TEX29: variants seen among roughly 807,000 people sequenced by gnomAD.
The protein encoded by TEX29 is testis-expressed protein 29.
A neutral mutation model predicts 18.2 loss-of-function variants in TEX29; 26 were observed. The ratio of observed to expected loss-of-function variants is 1.43; its 90% CI spans 1.04 to 1.98. The LOEUF (loss-of-function observed/expected upper bound fraction) is 1.98, where lower values mean the gene tolerates loss of function less well. Ranked by LOEUF, TEX29 falls within the 30% of genes most tolerant of loss-of-function variation. The pLI is 0.00. For synonymous variants in TEX29, 83 were observed against 78.5 expected, an observed-to-expected ratio of 1.06 and a Z score of -0.31; for missense variants, 177 against 194.2, an observed-to-expected ratio of 0.91 and a Z score of 0.53.
At chr13:111,327,478 G>A (rs1255863105) in intron 2 of TEX29, among the ~76,000 whole-genome samples, 1 of 152,146 alleles carries the variant, frequency 6.6e-6, no homozygotes, top group Non-Finnish European at 1.5e-5. Flanking sequence ...TGGGACTGCA[G>A]TCCACCCAGC....
intron 3 of TEX29, among the ~76,000 whole-genome samples, chr13:111,328,872 G>A (rs1278484258): frequency 6.6e-6 from 1 of 152,216 alleles, no homozygotes; most frequent in Non-Finnish European, 1.5e-5. Context: ...GGGCGCCGGA[G>A]GCGTTGCCAC....
chr13:111,339,312 C>T, intron 3 of TEX29: 1 of 454,804 alleles, frequency 2.2e-6, no homozygotes, highest in Non-Finnish European at 4.4e-6. Context: ...AGGAATTGAC[C>T]TGGGCATTGA....
rs187727129 is a variant in TEX29 at position 111,336,841 on chromosome 13, G to A, written c.170-3022G>A. Among the ~76,000 whole-genome samples the A allele has an allele frequency of 2.6e-5, 4 of 152,320 alleles. 1 individual carries two copies. The highest frequency in any genetic ancestry group is 5.9e-5 in the Non-Finnish European group (4 of 68,030). On this transcript the variant is annotated intron_variant, in intron 3 of 5. Coordinates refer to ENST00000283547, the MANE Select transcript of TEX29 (RefSeq NM_152324.3). ...ACACTGTACGGAGCGCATCATTGAG[G>A]TTGAGTCTCCATCTTTAGGAGCTTG...
chr13:111,321,090 T>G, intron 2 of TEX29, 142 bp downstream of exon 2: 1 of 882,178 alleles, frequency 1.1e-6, no homozygotes, highest in African/African-American at 1.7e-5. Flanking sequence ...GCAAAATGTG[T>G]GTTCAGGAAA....
rs375220349 is a variant in TEX29 at position 111,335,406 on chromosome 13, CA to C, written c.170-4456del. On this transcript the variant is annotated intron_variant, in intron 3 of 5. Transcript: ENST00000283547. Reference sequence around the variant, plus strand: ...GGCCTCTCATATGGCTTCATTCCAGCAGCTCGTCCTCTGAGGCATGTGGCAG... The same window carrying C: ...GGCCTCTCATATGGCTTCATTCCAGCGCTCGTCCTCTGAGGCATGTGGCAG... Among the ~76,000 whole-genome samples, 279 of 152,350 alleles carry C rather than the reference CA, an allele frequency of 1.8e-3. 3 individuals are homozygous for C. Among genetic ancestry groups the C allele is most frequent in the Middle Eastern group, 0.014 (4 of 294 alleles).
rs201674534 is a variant in TEX29 at position 111,320,927 on chromosome 13, C to A, written c.37C>A (p.His13Asn). 4.3e-5 allele frequency: 69 copies of A among 1,611,954 alleles called. No homozygotes were observed. The highest frequency in any genetic ancestry group is 5.5e-5 in the South Asian group (5 of 91,004). The stretch of plus-strand genomic sequence containing the variant: ...GCTGGAAGTGAAGAACTCTCCGCGG[C>A]ACCTCCTGAAGCAATTCACAGGTAT... ...YVLEVKNSPRHLLKQFTVCDV... is the reference protein window; with the variant it reads ...YVLEVKNSPRNLLKQFTVCDV... The change falls in exon 2 of 6, where the codon CAC becomes AAC. Residue 13 changes from histidine (H) to asparagine (N), a missense_variant. His to Asn is a moderately conservative substitution (Grantham distance 68, BLOSUM62 1). Transcript: ENST00000283547.
chr13:111,339,581 A>G (rs574316918), intron 3 of TEX29: 371 of 538,968 alleles, frequency 6.9e-4, no homozygotes, highest in Non-Finnish European at 8.8e-4. Context: ...CTCTCCATGC[A>G]CTCCCGGGGG....
At chr13:111,328,329 C>T (rs754696893) in intron 3 of TEX29, 36 bp downstream of exon 3, 21 of 1,494,388 alleles carry the variant, frequency 1.4e-5, no homozygotes, top group South Asian at 2.3e-5. Flanking sequence ...TGGCGGAAGC[C>T]GAGGTAGCTG....
At chr13:111,324,092 C>T (rs940551546) in intron 2 of TEX29, among the ~76,000 whole-genome samples, 2 of 152,206 alleles carry the variant, frequency 1.3e-5, no homozygotes. Flanking sequence ...GCAGTCTGGG[C>T]CCGCTGAAGG....
Position 111,320,780 on chromosome 13 carries a change from C to T in TEX29, c.-35+18C>T. 7.5e-7 allele frequency: 1 copy of T among 1,339,616 alleles called. No individual in the cohort carries two copies. The highest frequency in any genetic ancestry group is 1.1e-6 in the Non-Finnish European group (1 of 932,338). 83.0% of individuals were successfully genotyped at this position (1,339,616 alleles called of 1,614,324 possible). A position where few individuals can be genotyped will look rare whatever the true frequency, so the allele number is the denominator to read the frequency against. The stretch of plus-strand genomic sequence containing the variant: ...AGGCGCAGGTGAGTCGATGAACGCC[C>T]CCTCCTGGTGTGAGCCGCCCGCTCC... On this transcript the variant is annotated intron_variant, in intron 1 of 5. Coordinates refer to ENST00000283547, the MANE Select transcript of TEX29 (RefSeq NM_152324.3).
rs1279987221 is a variant in TEX29 at position 111,322,092 on chromosome 13, C to T, written c.58+1144C>T. Among the ~76,000 whole-genome samples, 23 of 152,226 alleles carry T rather than the reference C, an allele frequency of 1.5e-4. 1 individual carries two copies. The highest frequency in any genetic ancestry group is 1.2e-3 in the Admixed American group (18 of 15,286). Reference sequence around the variant, plus strand: ...GCACCTGGCCCTGCAGCTCTCGCAGCGGGACAGGGCGGCCCAGGTGCCAGG... The same window carrying T: ...GCACCTGGCCCTGCAGCTCTCGCAGTGGGACAGGGCGGCCCAGGTGCCAGG... On this transcript the variant is annotated intron_variant, in intron 2 of 5. Coordinates refer to ENST00000283547, the MANE Select transcript of TEX29 (RefSeq NM_152324.3).
At chr13:111,343,121 T>C (rs1595694383) in intron 5 of TEX29, among the ~76,000 whole-genome samples, 190 bp downstream of exon 5, 1 of 152,228 alleles carries the variant, frequency 6.6e-6, no homozygotes, top group African/African-American at 2.4e-5. Context: ...GATGTGGCTG[T>C]CAGTGTGAGT....
chr13:111,337,708 C>T (rs560478627), intron 3 of TEX29, among the ~76,000 whole-genome samples: 1 of 152,156 alleles, frequency 6.6e-6, no homozygotes, highest in Non-Finnish European at 1.5e-5. Context: ...CTCAGGTAAG[C>T]AAGTTTCCAC....
intron 5 of TEX29, among the ~76,000 whole-genome samples, chr13:111,343,470 C>T (rs766294755): frequency 2.0e-5 from 3 of 152,070 alleles, no homozygotes; most frequent in South Asian, 2.1e-4. Flanking sequence ...GCCCTGGCCA[C>T]GTGGTGGTCG....
chr13:111,340,185 CAT>C (rs2093695784), intron 4 of TEX29, among the ~76,000 whole-genome samples: 1 of 147,924 alleles, frequency 6.8e-6, no homozygotes, highest in African/African-American at 2.5e-5. Context: ...AATCATAACC[CAT>C]GTTTAGTGAG....
chr13:111,343,408 G>T (rs1851304977), intron 5 of TEX29, among the ~76,000 whole-genome samples: 1 of 151,766 alleles, frequency 6.6e-6, no homozygotes, highest in Non-Finnish European at 1.5e-5. Context: ...GCCGCCTGGT[G>T]GTCGTGGATG....
At chr13:111,317,218 G>A (rs1288853365), upstream of TEX29, among the ~76,000 whole-genome samples, 2 of 152,026 alleles carry the variant, frequency 1.3e-5, no homozygotes, top group Non-Finnish European at 2.9e-5. Context: ...AACATTCTCC[G>A]CCAACAGCTT....
At chr13:111,339,548 C>T (rs953938774) in intron 3 of TEX29, 21 of 480,744 alleles carry the variant, frequency 4.4e-5, no homozygotes, top group South Asian at 6.1e-5. Flanking sequence ...CATGCACTCC[C>T]GGGGGTCAGG....
chr13:111,325,802 A>T (rs1275617073), intron 2 of TEX29, among the ~76,000 whole-genome samples: 2 of 152,212 alleles, frequency 1.3e-5, no homozygotes, highest in African/African-American at 4.8e-5. Context: ...AATGAGAAAG[A>T]ATGTATGAAC....
Sources: gnomAD v4.1 joint callset for allele counts (sites outside exome capture counted in the v4.1 genomes callset) on GRCh38, gnomAD v4.1.1 for gene constraint, MANE v1.5 for transcripts, NCBI Gene and HGNC (gene_info 2026-07-23, HGNC 2026-07-21) for gene names.